NLRP7: variants seen among roughly 807,000 people sequenced by gnomAD.
NLRP7 encodes the protein NLR family pyrin domain containing 7, also known as NACHT, LRR and PYD domains-containing protein 7.
Under a neutral mutation model 85.5 loss-of-function variants are expected in NLRP7, and 72 were observed. The observed-to-expected ratio is 0.84, with a 90% CI of 0.70 to 1.02. The LOEUF is 1.02. Among genes scored for constraint, NLRP7 ranks in the 50% least tolerant of loss-of-function variants. NLRP7 has a pLI of 0.00. For synonymous variants in NLRP7, 550 were observed against 505.2 expected (o/e 1.09, Z -1.19); for missense variants, 1,243 against 1,219.5 (o/e 1.02, Z -0.29).
At chr19:54,943,676 A>G (rs2069342364) in intron 1 of NLRP7, among the ~76,000 whole-genome samples, 1 of 152,162 alleles carries the variant, frequency 6.6e-6, no homozygotes, top group African/African-American at 2.4e-5. Flanking sequence ...CCGGGTGCTG[A>G]TAGAGGTGGA....
At chr19:54,962,324 ATG>A (rs762206368) in intron 1 of NLRP7, among the ~76,000 whole-genome samples, 4 of 140,192 alleles carry the variant, frequency 2.9e-5, no homozygotes, top group Non-Finnish European at 6.2e-5. Context: ...CTGGAGTGCA[ATG>A]GCACGATCTC....
rs28430315 is a variant in NLRP7, at chr19:54,943,062, G to A, written c.-39-1312C>T. Among the ~76,000 whole-genome samples the A allele has an allele frequency of 8.4e-3, 1,276 of 151,824 alleles. 15 individuals are homozygous for A. Among genetic ancestry groups the A allele is most frequent in the African/African-American group, 0.029 (1,205 of 41,388 alleles). ...CGTGGGAGGCTGAGGCAGGAGAATC[G>A]CTTGAACCCAGGAGGCGGAGGTTGC... On this transcript the variant is annotated intron_variant, in intron 1 of 9. Transcript: ENST00000340844.
In NLRP7 at chr19:54,940,149, C is replaced by G. The variant is rs1377370792; in HGVS notation, c.670G>C (p.Ala224Pro). The change falls in exon 4 of 10, where the codon GCA becomes CCA. Residue 224 changes from alanine (A) to proline (P), a missense_variant. Coordinates refer to ENST00000340844, the Ensembl canonical transcript of NLRP7. The stretch of plus-strand genomic sequence containing the variant: ...GGCCAGTCTTTGGAGATCAGCTCTG[C>G]AAAACTGCAGGGGCCCATGCGGCTG... The G allele has an allele frequency of 6.2e-7, 1 of 1,614,074 alleles. No homozygotes were observed. Among genetic ancestry groups the G allele is most frequent in the African/African-American group, 1.3e-5 (1 of 74,936 alleles).
At chr19:54,950,726 A>G (rs1262765596), upstream of NLRP7, among the ~76,000 whole-genome samples, 1 of 151,090 alleles carries the variant, frequency 6.6e-6, no homozygotes, top group Non-Finnish European at 1.5e-5. Context: ...ACACCCATAC[A>G]TTCCATTGCC....
At chr19:54,929,853 G>A (rs572669505) in intron 9 of NLRP7, among the ~76,000 whole-genome samples, 71 of 152,182 alleles carry the variant, frequency 4.7e-4, no homozygotes, top group African/African-American at 1.3e-3. Context: ...GGTGGCTCAC[G>A]CCTGTAATCC....
rs1215418332 is a variant in NLRP7, at chr19:54,934,249, G to A, written c.2471+240C>T. On this transcript the variant is annotated intron_variant, in intron 7 of 9. Coordinates refer to ENST00000340844, the Ensembl canonical transcript of NLRP7. The surrounding 1 kb of genome is among the most constrained non-coding windows in gnomAD (Gnocchi z 6.7). Reference sequence around the variant, plus strand: ...AGCCACCGCACCCGGCCTGTTTTTGGTATTTTTAATAGAAACAGGGTTTCA... The same window carrying A: ...AGCCACCGCACCCGGCCTGTTTTTGATATTTTTAATAGAAACAGGGTTTCA... Among the ~76,000 whole-genome samples the A allele has an allele frequency of 6.6e-6, 1 of 152,002 alleles. No homozygotes were observed. Among genetic ancestry groups the A allele is most frequent in the Non-Finnish European group, 1.5e-5 (1 of 67,986 alleles).
exon 5 of NLRP7, chr19:54,938,127 C>T (rs993360162): frequency 6.2e-7 from 1 of 1,614,080 alleles, no homozygotes; most frequent in Non-Finnish European, 8.5e-7. Flanking sequence ...AGCTTTGTTT[C>T]ACTTCCAGAA....
rs148304098 is a variant in NLRP7 at position 54,940,068 on chromosome 19, C to T, written c.751G>A (p.Val251Met). The change falls in exon 4 of 10, where the codon GTG (valine) becomes ATG (methionine). Residue 251 changes from valine (V) to methionine (M), a missense_variant. This residue lies in a region of NLRP7 where 591 missense variants were observed against 563.3 expected (regional missense o/e 1.05). Transcript: ENST00000340844. The stretch of plus-strand genomic sequence containing the variant: ...TTCAGCTCATCAAGGCCATCGACCA[C>T]GAACAGGATTCTCTGTGCTTGGGCT... 1.5e-5 allele frequency: 25 copies of T among 1,614,198 alleles called. No homozygotes were observed. The highest frequency in any genetic ancestry group is 1.6e-4 in the Middle Eastern group (1 of 6,062).
chr19:54,926,227 T>TGTGTGTGTGTGTGTGC (rs372128868), intron 9 of NLRP7, among the ~76,000 whole-genome samples: 3 of 150,836 alleles, frequency 2.0e-5, no homozygotes, highest in East Asian at 2.0e-4. Flanking sequence ...TGTGTGTGTG[T>TGTGTGTGTGTGTGTGC]GCTCATGCAC....
chr19:54,942,374 G>A (rs1195242745), intron 1 of NLRP7, among the ~76,000 whole-genome samples: 1 of 151,994 alleles, frequency 6.6e-6, no homozygotes, highest in Non-Finnish European at 1.5e-5. Flanking sequence ...ACGTCCATGG[G>A]CTGTGATTTC....
rs754698157 is a variant in NLRP7, at chr19:54,939,102, C to T, written c.1717G>A (p.Gly573Ser). Residue 573 changes from glycine (G) to serine (S), a missense_variant, in exon 4 of 10, where the codon GGC (glycine) becomes AGC (serine). Transcript: ENST00000340844. ...TCCTCCTGAGACTCATACAGGCAGC[C>T]CAAGACCTCCTTCAGGTCGGTCACG... 13 of 1,614,202 alleles carry T rather than the reference C, an allele frequency of 8.1e-6. No homozygotes were observed. Among genetic ancestry groups the T allele is most frequent in the Non-Finnish European group, 1.1e-5 (13 of 1,180,044 alleles).
chr19:54,954,292 C>A (rs1460678728), intron 1 of NLRP7, among the ~76,000 whole-genome samples: 1 of 147,562 alleles, frequency 6.8e-6, no homozygotes, highest in Non-Finnish European at 1.5e-5. Context: ...TTTGGGAGGC[C>A]GAGGCGGGTG....
chr19:54,962,790 G>A (rs530616398), intron 1 of NLRP7, among the ~76,000 whole-genome samples: 167 of 150,296 alleles, frequency 1.1e-3, no homozygotes, highest in African/African-American at 1.6e-3. Flanking sequence ...TAGTAGAGAC[G>A]GGGTTTCACC....
intron 1 of NLRP7, among the ~76,000 whole-genome samples, chr19:54,954,809 C>T (rs1312046956): frequency 6.6e-6 from 1 of 151,550 alleles, no homozygotes; most frequent in East Asian, 2.0e-4. Context: ...GCCAAGATCA[C>T]GCCACTGCAC....
intron 1 of NLRP7, among the ~76,000 whole-genome samples, chr19:54,965,581 G>C (rs1412044001): frequency 1.6e-5 from 1 of 64,130 alleles, no homozygotes; most frequent in Non-Finnish European, 3.1e-5. Context: ...TCAGCCTCCC[G>C]AGTAGCTGGG....
chr19:54,932,005 CCT>C (rs1283645351), intron 8 of NLRP7, among the ~76,000 whole-genome samples: 1 of 152,070 alleles, frequency 6.6e-6, no homozygotes, highest in African/African-American at 2.4e-5. Flanking sequence ...TTTCACTTTC[CCT>C]GTCATTTTAT....
intron 8 of NLRP7, 87 bp from the exon 9 acceptor site, chr19:54,930,753 A>T: frequency 1.8e-6 from 2 of 1,087,526 alleles, no homozygotes; most frequent in East Asian, 4.7e-5. Flanking sequence ...TATACCTTCC[A>T]CTTATATACT....
intron 9 of NLRP7, among the ~76,000 whole-genome samples, chr19:54,924,187 C>T (rs1602098136): frequency 6.6e-6 from 1 of 152,094 alleles, no homozygotes; most frequent in African/African-American, 2.4e-5. Flanking sequence ...AGGCTGGTCT[C>T]GAACTTCTGG....
intron 1 of NLRP7, among the ~76,000 whole-genome samples, chr19:54,944,426 T>C (rs982359269): frequency 6.6e-6 from 1 of 152,076 alleles, no homozygotes; most frequent in Non-Finnish European, 1.5e-5. Flanking sequence ...TTTGCTCACA[T>C]GTTTTCCTGC....
Sources: allele counts gnomAD v4.1 joint callset (sites outside exome capture counted in the v4.1 genomes callset), GRCh38; gene constraint gnomAD v4.1.1; regional missense constraint gnomAD v4.1.1; non-coding constraint Gnocchi (gnomAD v3.1); transcripts MANE v1.5; gene names NCBI Gene and HGNC (gene_info 2026-07-23, HGNC 2026-07-21).